Variants in CCT3 observed in about 807,000 individuals in gnomAD.
The protein encoded by CCT3 is chaperonin containing TCP1 subunit 3.
Under a neutral mutation model 65.3 loss-of-function variants are expected in CCT3, and 10 were observed. The ratio of observed to expected loss-of-function variants is 0.15; its 90% CI spans 0.09 to 0.26. The LOEUF is 0.26. Ranked by LOEUF, CCT3 falls within the 10% of genes least tolerant of loss-of-function variation. CCT3 has a pLI of 1.00. For synonymous variants in CCT3, 225 were observed against 242.3 expected (o/e 0.93, Z 0.66); for missense variants, 626 against 708.7 (o/e 0.88, Z 1.33).
At position 156,322,880 on chromosome 1, in the gene CCT3, G is replaced by A. The variant is rs151099346; in HGVS notation, c.423-1855C>T. On this transcript the variant is annotated intron_variant, in intron 6 of 13. Coordinates refer to ENST00000295688, the MANE Select transcript of CCT3 (RefSeq NM_005998.5). The stretch of plus-strand genomic sequence containing the variant: ...GTCTCAAAAAAAAGGCTTTCTAAGC[G>A]TGAAGCTCCACACAATAAAACCTTT... 2.7e-4 allele frequency among the ~76,000 whole-genome samples: 41 copies of A among 152,152 alleles called. 1 individual carries two copies. The highest frequency in any genetic ancestry group is 4.1e-4 in the South Asian group (2 of 4,826).
intron 7 of CCT3, among the ~76,000 whole-genome samples, chr1:156,319,634 G>A (rs536875708): frequency 2.0e-5 from 3 of 152,228 alleles, no homozygotes; most frequent in African/African-American, 7.2e-5. Flanking sequence ...CTACTCAAGA[G>A]GCTCAGGCAG....
At chr1:156,331,299 G>A (rs1475832103) in intron 5 of CCT3, among the ~76,000 whole-genome samples, 1 of 151,804 alleles carries the variant, frequency 6.6e-6, no homozygotes, top group East Asian at 1.9e-4. Context: ...GGCAAGCCTG[G>A]GCAACATGAG....
chr1:156,323,398 T>C (rs1003579681), intron 6 of CCT3, among the ~76,000 whole-genome samples: 1 of 147,974 alleles, frequency 6.8e-6, no homozygotes, highest in African/African-American at 2.4e-5. Flanking sequence ...ACCATATGAG[T>C]AGAATATTTA....
chr1:156,321,227 G>C (rs1664540906), intron 6 of CCT3, among the ~76,000 whole-genome samples: 1 of 152,308 alleles, frequency 6.6e-6, no homozygotes, highest in South Asian at 2.1e-4. Context: ...CTCATCTGTA[G>C]ACGGTGCCTT....
intron 5 of CCT3, among the ~76,000 whole-genome samples, chr1:156,327,271 C>T (rs1250435614): frequency 2.0e-5 from 3 of 151,288 alleles, no homozygotes; most frequent in Non-Finnish European, 4.4e-5. Context: ...CCTCTCGCCT[C>T]TCCCCTCTCC....
intron 2 of CCT3, 180 bp from the exon 3 acceptor site, chr1:156,335,098 T>C: frequency 1.8e-6 from 1 of 560,214 alleles, no homozygotes; most frequent in Non-Finnish European, 3.1e-6. Flanking sequence ...CTCAAACCCC[T>C]GGGCCCAAGT....
At chr1:156,314,943 T>C (rs1308437557) in intron 10 of CCT3, among the ~76,000 whole-genome samples, 1 of 152,164 alleles carries the variant, frequency 6.6e-6, no homozygotes, top group Non-Finnish European at 1.5e-5. Flanking sequence ...ACTGAAGCAG[T>C]GGAAGAGGGA....
chr1:156,335,603 GA>G (rs1665302962), intron 2 of CCT3: 2 of 495,656 alleles, frequency 4.0e-6, no homozygotes, highest in African/African-American at 1.9e-5. Flanking sequence ...CACAGCAACA[GA>G]ATAATGCACA....
At position 156,313,382 on chromosome 1, in the gene CCT3, G is replaced by A. The variant is rs921035640; in HGVS notation, c.975-1161C>T. On this transcript the variant is annotated intron_variant, in intron 10 of 13. Transcript: ENST00000295688. ...AAAAAAAGAGAGAGAGAGAGAGAGA[G>A]AAATCATTGAGGAGAAATGGTATCT... is the stretch of plus-strand genomic sequence containing the variant. 3.5e-5 allele frequency among the ~76,000 whole-genome samples: 5 copies of A among 142,330 alleles called. No individual in the cohort carries two copies. In the South Asian group the frequency reaches 1.2e-3, roughly 33 times the overall value. 93.4% of individuals were successfully genotyped at this position (142,330 alleles called of 152,430 possible).
chr1:156,319,007 C>T lies in CCT3; in HGVS notation c.620G>A (p.Gly207Asp), dbSNP rs780559155. The change falls in exon 8 of 14, where the codon GGC (glycine) becomes GAC (aspartate). Residue 207 changes from glycine (G) to aspartate (D), a missense_variant. Physicochemically the swap from Gly to Asp is moderately conservative, Grantham distance 94. Transcript: ENST00000295688. ...CAAGACACAGGAGTCTTCAATGATG[C>T]CTCCAGGTATCTGAACAAAAGACAA... ...KYARVEKIPG[G>D]IIEDSCVLRG... The T allele has an allele frequency of 3.1e-6, 5 of 1,603,930 alleles. No individual in the cohort carries two copies. In the East Asian group the frequency reaches 6.7e-5, roughly 22 times the overall value.
intron 5 of CCT3, among the ~76,000 whole-genome samples, chr1:156,328,583 G>A (rs1664963995): frequency 6.6e-6 from 1 of 151,850 alleles, no homozygotes. Flanking sequence ...TCTGAAACAT[G>A]TGCTGTGTCC....
chr1:156,331,613 G>A (rs1014462220), intron 5 of CCT3, among the ~76,000 whole-genome samples: 1 of 151,794 alleles, frequency 6.6e-6, no homozygotes, highest in Admixed American at 6.6e-5. Context: ...AACCTGGGAG[G>A]TGGAGGTTGC....
intron 13 of CCT3, among the ~76,000 whole-genome samples, chr1:156,309,506 A>T (rs1663985016): frequency 6.6e-6 from 1 of 151,848 alleles, no homozygotes; most frequent in South Asian, 2.1e-4. Flanking sequence ...GGTTCACTGC[A>T]ACCTCCGCCT....
chr1:156,319,045 C>T (rs1420398528), intron 7 of CCT3, 28 bp from the exon 8 acceptor site: 1 of 1,567,108 alleles, frequency 6.4e-7, no homozygotes, highest in Non-Finnish European at 8.7e-7. Context: ...GCACTTTAAT[C>T]CACAATCAAG....
chr1:156,322,624 G>A (rs926800235), intron 6 of CCT3, among the ~76,000 whole-genome samples: 4 of 150,716 alleles, frequency 2.7e-5, no homozygotes, highest in Non-Finnish European at 4.4e-5. Flanking sequence ...TTGGGAGGCC[G>A]AGGCAGGCGG....
intron 5 of CCT3, among the ~76,000 whole-genome samples, chr1:156,328,086 C>T (rs1439811864): frequency 4.8e-5 from 4 of 84,174 alleles, no homozygotes; most frequent in Non-Finnish European, 7.3e-5. Context: ...GGGTCAGCCC[C>T]CCGCCCAGCC....
At chr1:156,332,864 A>G (rs1448531045) in intron 5 of CCT3, 3 of 152,532 alleles carry the variant, frequency 2.0e-5, no homozygotes, top group Non-Finnish European at 2.9e-5. Context: ...AACTATATAT[A>G]TTAAATGGGT....
At chr1:156,328,936 A>G (rs1461104390) in intron 5 of CCT3, among the ~76,000 whole-genome samples, 1 of 152,226 alleles carries the variant, frequency 6.6e-6, no homozygotes, top group Non-Finnish European at 1.5e-5. Flanking sequence ...TTTTGTTTCA[A>G]TTCCAAAGTG....
chr1:156,333,151 G>C (rs1665180985), intron 5 of CCT3: 1 of 235,856 alleles, frequency 4.2e-6, no homozygotes, highest in African/African-American at 2.4e-5. Context: ...AAATTAGCTG[G>C]GCGTGGTGGC....
Sources: gnomAD v4.1 joint callset for allele counts (sites outside exome capture counted in the v4.1 genomes callset) on GRCh38, gnomAD v4.1.1 for gene constraint, MANE v1.5 for transcripts, NCBI Gene and HGNC (gene_info 2026-07-23, HGNC 2026-07-21) for gene names.